The following PRDM10 variants were observed in gnomAD, a reference collection of about 807,000 sequenced individuals.
The protein encoded by PRDM10 is PR domain zinc finger protein 10.
Under a neutral mutation model 133.1 loss-of-function variants are expected in PRDM10, and 65 were observed. That is an observed-to-expected ratio of 0.49 (90% CI 0.40 to 0.60). The LOEUF is 0.60. PRDM10 is among the 20% of genes least tolerant of loss of function. The pLI is 0.00. For missense variants in PRDM10, 1,137 were observed against 1,507.1 expected (o/e 0.75, Z 4.07); for synonymous variants, 582 against 580.4 (o/e 1.00, Z -0.04).
chr11:129,970,077 C>A (rs4937472), intron 1 of PRDM10, among the ~76,000 whole-genome samples: 9,217 of 152,160 alleles, frequency 0.061, 613 homozygotes, highest in East Asian at 0.36. Context: ...ATTCTAGGCC[C>A]ACAGTTCTGA....
intron 1 of PRDM10, among the ~76,000 whole-genome samples, 183 bp downstream of exon 1, chr11:130,002,536 CCCA>C (rs1408624110): frequency 2.0e-5 from 3 of 152,060 alleles, no homozygotes; most frequent in African/African-American, 7.2e-5. Flanking sequence ...ATTTCTCCCC[CCCA>C]CCACCACCAT....
intron 20 of PRDM10, 108 bp from the exon 21 acceptor site, chr11:129,902,624 G>C: frequency 6.8e-7 from 1 of 1,462,532 alleles, no homozygotes; most frequent in Non-Finnish European, 9.1e-7. Context: ...ACCCAAAATA[G>C]GCATCTATGA....
rs1462070316 is a variant in PRDM10 at position 129,899,776 on chromosome 11, G to A, written c.*2537C>T. On this transcript the variant is annotated 3_prime_UTR_variant, in exon 21 of 21. Coordinates refer to ENST00000360871, the MANE Select transcript of PRDM10 (RefSeq NM_199437.2). The stretch of plus-strand genomic sequence containing the variant: ...TATTAATTTTTACACCTGCTGCATA[G>A]CACAAGACTATTAACACTATAACTC... 5.9e-5 allele frequency: 9 copies of A among 152,534 alleles called. No individual in the cohort carries two copies. The highest frequency in any genetic ancestry group is 1.2e-4 in the Non-Finnish European group (8 of 68,026). 9.4% of individuals were successfully genotyped at this position (152,534 alleles called of 1,614,324 possible). A position where few individuals can be genotyped will look rare whatever the true frequency, so the allele number is the denominator to read the frequency against.
At chr11:129,921,500 T>G (rs1950521890) in intron 13 of PRDM10, among the ~76,000 whole-genome samples, 1 of 152,192 alleles carries the variant, frequency 6.6e-6, no homozygotes. Context: ...TGTAGCATCT[T>G]AGAAGTAACA....
At chr11:129,928,764 A>G (rs1295995554) in intron 11 of PRDM10, among the ~76,000 whole-genome samples, 1 of 152,166 alleles carries the variant, frequency 6.6e-6, no homozygotes, top group Non-Finnish European at 1.5e-5. Context: ...TTGGTTGGCC[A>G]GCCCTGCCCA....
At chr11:129,967,044 G>A (rs1346062186) in intron 1 of PRDM10, among the ~76,000 whole-genome samples, 1 of 152,102 alleles carries the variant, frequency 6.6e-6, no homozygotes, top group East Asian at 1.9e-4. Flanking sequence ...ATGTCTAAAC[G>A]AATCTAGAAG....
chr11:129,975,552 C>G (rs1441663899), intron 1 of PRDM10, among the ~76,000 whole-genome samples: 6 of 152,178 alleles, frequency 3.9e-5, no homozygotes, highest in Non-Finnish European at 8.8e-5. Flanking sequence ...GACCATCCCA[C>G]TCCCCCATGG....
At chr11:129,931,653 C>T (rs1320024917) in intron 10 of PRDM10, among the ~76,000 whole-genome samples, 7 of 151,322 alleles carry the variant, frequency 4.6e-5, no homozygotes, top group Non-Finnish European at 8.8e-5. Context: ...CTGCAAGCTC[C>T]GCCTCCCGGT....
At position 129,944,652 on chromosome 11, in the gene PRDM10, AAAG is replaced by A. The variant is rs1951345673; in HGVS notation, c.762+116_762+118del. ...TTTCCATTTAACCAAGTTAAGATAG[AAAG>A]AAGAATACTAGCAAACAACTGCTAA... On this transcript the variant is annotated intron_variant, in intron 6 of 20. Transcript: ENST00000360871. 9.9e-6 allele frequency: 14 copies of A among 1,409,204 alleles called. No individual in the cohort carries two copies. In the Admixed American group the frequency reaches 1.6e-4, roughly 16 times the overall value. 87.3% of individuals were successfully genotyped at this position (1,409,204 alleles called of 1,614,324 possible). A position where few individuals can be genotyped will look rare whatever the true frequency, so the allele number is the denominator to read the frequency against.
intron 9 of PRDM10, 103 bp from the exon 10 acceptor site, chr11:129,932,334 C>A: frequency 1.5e-6 from 2 of 1,373,492 alleles, no homozygotes; most frequent in East Asian, 2.5e-5. Flanking sequence ...TGATTCCTCT[C>A]ACCTTATTAC....
intron 1 of PRDM10, among the ~76,000 whole-genome samples, chr11:129,979,444 G>A (rs1451374121): frequency 1.3e-5 from 2 of 152,090 alleles, no homozygotes; most frequent in Non-Finnish European, 2.9e-5. Context: ...CTCACCTGAG[G>A]CTGGTTTGCA....
intron 1 of PRDM10, among the ~76,000 whole-genome samples, chr11:129,991,242 A>G (rs1161715628): frequency 6.6e-6 from 1 of 152,246 alleles, no homozygotes; most frequent in Non-Finnish European, 1.5e-5. Flanking sequence ...CTTATTCTCA[A>G]TTAAAAGATA....
At chr11:129,954,311 G>A (rs1440519254) in intron 4 of PRDM10, among the ~76,000 whole-genome samples, 1 of 146,826 alleles carries the variant, frequency 6.8e-6, no homozygotes. Flanking sequence ...CACCCAGGCT[G>A]GAGTGCAGTG....
rs370296206 is a variant in PRDM10, at chr11:129,901,435, G to C, written c.*878C>G. 6.6e-6 allele frequency: 1 copy of C among 152,278 alleles called. No individual in the cohort carries two copies. Among genetic ancestry groups the C allele is most frequent in the Non-Finnish European group, 1.5e-5 (1 of 67,964 alleles). 9.4% of individuals were successfully genotyped at this position (152,278 alleles called of 1,614,324 possible). ...AATGATAAATGGATCCTGCAAGGCA[G>C]AACAAAATTTCAATACTTTCTCTCT... On this transcript the variant is annotated 3_prime_UTR_variant, in exon 21 of 21. Coordinates refer to ENST00000360871, the MANE Select transcript of PRDM10 (RefSeq NM_199437.2).
Position 129,905,661 on chromosome 11 carries a change from C to T in PRDM10, c.3244G>A (p.Gly1082Ser), listed in dbSNP as rs767630724. ...ACCGAAGTAACCGCCTTCACCTGGC[C>T]AGTAGTAACTGGAGTTGCCACACCA... ...DSGVATPVTT[G>S]QVKAVTSGHY... The change falls in exon 20 of 21, where the codon GGC becomes AGC. Residue 1082 changes from glycine to serine, a missense_variant. This residue lies in a region of PRDM10 where 243 missense variants were observed against 259.2 expected (regional missense o/e 0.94). Transcript: ENST00000360871. 7 of 1,614,022 alleles carry T rather than the reference C, an allele frequency of 4.3e-6. No individual in the cohort carries two copies. Among genetic ancestry groups the T allele is most frequent in the Non-Finnish European group, 5.9e-6 (7 of 1,180,016 alleles).
chr11:129,916,851 C>T (rs951006861), intron 15 of PRDM10, among the ~76,000 whole-genome samples: 2 of 152,104 alleles, frequency 1.3e-5, no homozygotes, highest in Non-Finnish European at 1.5e-5. Context: ...TTAATTCATA[C>T]ACTAAGCACT....
At chr11:129,926,646 G>C (rs182486154) in intron 11 of PRDM10, among the ~76,000 whole-genome samples, 6 of 152,060 alleles carry the variant, frequency 3.9e-5, no homozygotes, top group African/African-American at 1.2e-4. Context: ...TTCTCTAACC[G>C]GGCTAGGAGA....
Position 129,947,381 on chromosome 11 carries a change from GTT to G in PRDM10, c.295-13_295-12del. The G allele has an allele frequency of 6.2e-7, 1 of 1,614,166 alleles. No homozygotes were observed. ...AACTGGCAATGAGGCCTGGGCAAAA[GTT>G]GAAGGCACAGAGTAAGCAGACATGG... On this transcript the variant is annotated splice_polypyrimidine_tract_variant and intron_variant, in intron 4 of 20. Coordinates refer to ENST00000360871, the MANE Select transcript of PRDM10 (RefSeq NM_199437.2). This position sits in a 1 kb window ranked among gnomAD's most constrained non-coding sequence, Gnocchi z 4.6.
rs1555114095 is a variant in PRDM10, at chr11:129,985,809, A to AATATATATAT, written c.-119+16903_-119+16912dup. ...AAAAAAAAAAAAAAAAAAAAAAAAAAATATATATATATATATATATATATG... is the reference window on the plus strand; with the variant it reads ...AAAAAAAAAAAAAAAAAAAAAAAAAAATATATATATATATATATATATATATATATATATG... On this transcript the variant is annotated intron_variant, in intron 1 of 20. Transcript: ENST00000360871. 3.5e-3 allele frequency among the ~76,000 whole-genome samples: 212 copies of AATATATATAT among 61,032 alleles called. 4 individuals carry two copies. Among genetic ancestry groups the AATATATATAT allele is most frequent in the East Asian group, 0.028 (32 of 1,126 alleles). 40.0% of individuals were successfully genotyped at this position (61,032 alleles called of 152,430 possible).
Sources: allele counts gnomAD v4.1 joint callset (sites outside exome capture counted in the v4.1 genomes callset), GRCh38; gene constraint gnomAD v4.1.1; regional missense constraint gnomAD v4.1.1; non-coding constraint Gnocchi (gnomAD v3.1); transcripts MANE v1.5; gene names NCBI Gene and HGNC (gene_info 2026-07-23, HGNC 2026-07-21).